The following SRPK2 variants were observed in gnomAD, a reference collection of about 807,000 sequenced individuals.
SRPK2 encodes SRSF protein kinase 2.
Under a neutral mutation model 90.8 loss-of-function variants are expected in SRPK2, and 21 were observed. The observed-to-expected ratio is 0.23, with a 90% CI of 0.16 to 0.33. SRPK2 has a LOEUF of 0.33. Ranked by LOEUF, SRPK2 falls within the 10% of genes least tolerant of loss-of-function variation. The pLI, the probability that SRPK2 is intolerant of heterozygous loss-of-function variation, is 1.00. For synonymous variants in SRPK2, 288 were observed against 311.1 expected (o/e 0.93, Z 0.78); for missense variants, 620 against 869.0 (o/e 0.71, Z 3.60).
At chr7:105,371,696 G>A (rs546126282) in intron 2 of SRPK2, among the ~76,000 whole-genome samples, 2 of 151,810 alleles carry the variant, frequency 1.3e-5, no homozygotes, top group Non-Finnish European at 2.9e-5. Flanking sequence ...GGAGGTCAAG[G>A]CTGCAGAGTG....
Position 105,355,332 on chromosome 7 carries a change from C to T in SRPK2, c.71+33316G>A, listed in dbSNP as rs191359654. On this transcript the variant is annotated intron_variant, in intron 2 of 15. Transcript: ENST00000393651. Reference sequence around the variant, plus strand: ...GCAACACGGCAAGACCTCATCTCTACGAAAAAAAAAAAATTTTTTTTTCAT... The same window carrying T: ...GCAACACGGCAAGACCTCATCTCTATGAAAAAAAAAAAATTTTTTTTTCAT... 4.0e-5 allele frequency among the ~76,000 whole-genome samples: 6 copies of T among 149,362 alleles called. No homozygotes were observed. The East Asian group carries it at 1.0e-3, about 25-fold the overall frequency.
chr7:105,239,103 G>C (rs1008763084), intron 2 of SRPK2, among the ~76,000 whole-genome samples: 2 of 152,176 alleles, frequency 1.3e-5, no homozygotes, highest in African/African-American at 4.8e-5. Flanking sequence ...GTGTACAATT[G>C]CACTACATAT....
intron 2 of SRPK2, among the ~76,000 whole-genome samples, chr7:105,365,960 T>C (rs1187454076): frequency 6.6e-6 from 1 of 150,542 alleles, no homozygotes; most frequent in Non-Finnish European, 1.5e-5. Context: ...GTTCAAGTGA[T>C]TCTCCTGCCT....
intron 1 of SRPK2, among the ~76,000 whole-genome samples, chr7:105,394,969 G>C (rs1563328846): frequency 6.6e-6 from 1 of 152,008 alleles, no homozygotes; most frequent in Non-Finnish European, 1.5e-5. Context: ...GGGAGATCGA[G>C]ACCTACCATC....
At chr7:105,305,804 T>C (rs1811080644) in intron 2 of SRPK2, among the ~76,000 whole-genome samples, 1 of 152,186 alleles carries the variant, frequency 6.6e-6, no homozygotes, top group Admixed American at 6.5e-5. Context: ...AAAAGGGTGA[T>C]TAAAATTTGG....
intron 2 of SRPK2, among the ~76,000 whole-genome samples, chr7:105,362,678 C>T (rs1818573657): frequency 6.6e-6 from 1 of 152,120 alleles, no homozygotes; most frequent in South Asian, 2.1e-4. Flanking sequence ...CCATTTCACC[C>T]AGCCATCCCA....
At chr7:105,251,649 A>G (rs1802494127) in intron 2 of SRPK2, among the ~76,000 whole-genome samples, 1 of 152,258 alleles carries the variant, frequency 6.6e-6, no homozygotes, top group African/African-American at 2.4e-5. Context: ...ACAGCTCTGC[A>G]TTAAACAGAG....
chr7:105,226,909 T>C (rs576942647), intron 2 of SRPK2, among the ~76,000 whole-genome samples: 1 of 152,150 alleles, frequency 6.6e-6, no homozygotes, highest in African/African-American at 2.4e-5. Context: ...ACAACTGCAC[T>C]CCAGCCTGGG....
At chr7:105,119,116 C>T (rs569059447) in intron 15 of SRPK2, among the ~76,000 whole-genome samples, 1 of 152,054 alleles carries the variant, frequency 6.6e-6, no homozygotes, top group East Asian at 1.9e-4. Flanking sequence ...GCAGCCAGGT[C>T]TCGGTGGGGG....
At chr7:105,115,429 T>A (rs941252141), downstream of SRPK2, 1 of 152,206 alleles carries the variant, frequency 6.6e-6, no homozygotes, top group Non-Finnish European at 1.5e-5. Flanking sequence ...AACTTCTAGA[T>A]AGCCAGCTCC....
intron 2 of SRPK2, among the ~76,000 whole-genome samples, chr7:105,218,525 A>G (rs1364199544): frequency 2.0e-5 from 3 of 152,236 alleles, no homozygotes; most frequent in African/African-American, 7.2e-5. Context: ...AACACAAGTA[A>G]GGAAAGTAGA....
chr7:105,340,858 T>A (rs763997782), intron 2 of SRPK2, among the ~76,000 whole-genome samples: 1 of 152,222 alleles, frequency 6.6e-6, no homozygotes, highest in Non-Finnish European at 1.5e-5. Context: ...AATTTGTATC[T>A]GCCACTAAGA....
intron 2 of SRPK2, among the ~76,000 whole-genome samples, chr7:105,330,789 A>G (rs1467505226): frequency 6.6e-6 from 1 of 152,148 alleles, no homozygotes; most frequent in African/African-American, 2.4e-5. Context: ...AAACCAGCCT[A>G]GGCAATACAG....
At chr7:105,176,660 CATAT>C (rs754819728) in intron 3 of SRPK2, among the ~76,000 whole-genome samples, 60 of 132,984 alleles carry the variant, frequency 4.5e-4, no homozygotes, top group Non-Finnish European at 5.4e-4. Flanking sequence ...GTTTTACATA[CATAT>C]ATATAGATGT....
chr7:105,188,979 T>C (rs1793930551), intron 3 of SRPK2, among the ~76,000 whole-genome samples: 2 of 151,096 alleles, frequency 1.3e-5, no homozygotes, highest in South Asian at 4.2e-4. Context: ...CTAAAGGGGG[T>C]GGAGGGAGGA....
At chr7:105,314,540 CGCCCG>C (rs879337372) in intron 2 of SRPK2, among the ~76,000 whole-genome samples, 2 of 152,028 alleles carry the variant, frequency 1.3e-5, no homozygotes, top group Non-Finnish European at 2.9e-5. Flanking sequence ...TGCACCATCA[CGCCCG>C]GCCAATTTTT....
At chr7:105,131,658 T>C (rs1022845387) in intron 13 of SRPK2, among the ~76,000 whole-genome samples, 2 of 152,136 alleles carry the variant, frequency 1.3e-5, no homozygotes, top group Non-Finnish European at 2.9e-5. Context: ...TCAACAATGC[T>C]TTTACTTGAG....
At chr7:105,179,600 G>A (rs376891557) in intron 3 of SRPK2, among the ~76,000 whole-genome samples, 4 of 152,006 alleles carry the variant, frequency 2.6e-5, no homozygotes, top group South Asian at 4.1e-4. Flanking sequence ...TGAGGCAGGC[G>A]GATCCCTTGA....
chr7:105,126,353 GA>G lies in SRPK2; in HGVS notation c.1823-14del. On this transcript the variant is annotated splice_polypyrimidine_tract_variant and intron_variant, in intron 14 of 15. Coordinates refer to ENST00000393651, the MANE Select transcript of SRPK2 (RefSeq NM_182692.3). ...TGGGCTATGTGGTCTATGGAGGAGAGAAAAAAAGGATATGGGAATGGGAGGG... is the reference window on the plus strand; with the variant it reads ...TGGGCTATGTGGTCTATGGAGGAGAGAAAAAAGGATATGGGAATGGGAGGG... The G allele has an allele frequency of 4.4e-6, 7 of 1,591,896 alleles. No homozygotes were observed. Among genetic ancestry groups the G allele is most frequent in the Non-Finnish European group, 4.3e-6 (5 of 1,164,050 alleles).
Sources: gnomAD v4.1 joint callset for allele counts (sites outside exome capture counted in the v4.1 genomes callset) on GRCh38, gnomAD v4.1.1 for gene constraint, MANE v1.5 for transcripts, NCBI Gene and HGNC (gene_info 2026-07-23, HGNC 2026-07-21) for gene names.